The following RPF2 variants were observed in gnomAD, a reference collection of about 807,000 sequenced individuals.
RPF2 encodes ribosome production factor 2 homolog.
RPF2 carries 21 observed loss-of-function variants against 38.9 expected under a neutral mutation model. That is an observed-to-expected ratio of 0.54 (90% CI 0.38 to 0.78). The LOEUF (loss-of-function observed/expected upper bound fraction) is 0.78. Among genes scored for constraint, RPF2 ranks in the 30% least tolerant of loss-of-function variants. The probability of loss-of-function intolerance (pLI) is 0.00; values close to 1 mark genes in which losing one functional copy is unlikely to be tolerated. For synonymous variants in RPF2, 121 were observed against 126.2 expected, an observed-to-expected ratio of 0.96 and a Z score of 0.28; for missense variants, 314 against 358.1, an observed-to-expected ratio of 0.88 and a Z score of 0.99.
intron 8 of RPF2, among the ~76,000 whole-genome samples, chr6:111,021,338 T>C (rs1015456124): frequency 6.6e-6 from 1 of 152,196 alleles, no homozygotes; most frequent in African/African-American, 2.4e-5. Flanking sequence ...TTTTGATCAC[T>C]AGATGTTCCA....
At chr6:110,991,305 T>G (rs1771615552) in intron 3 of RPF2, among the ~76,000 whole-genome samples, 2 of 152,138 alleles carry the variant, frequency 1.3e-5, no homozygotes, top group South Asian at 4.1e-4. Context: ...CTTAACTTTT[T>G]TTTTAGAGAC....
chr6:111,003,962 G>A (rs1001823920), intron 6 of RPF2, among the ~76,000 whole-genome samples: 14 of 149,200 alleles, frequency 9.4e-5, no homozygotes, highest in African/African-American at 3.0e-4. Context: ...ACAGGTGTGC[G>A]CCACCACACC....
At chr6:111,012,141 C>T (rs1311074466) in intron 7 of RPF2, among the ~76,000 whole-genome samples, 1 of 135,688 alleles carries the variant, frequency 7.4e-6, no homozygotes, top group African/African-American at 2.7e-5. Flanking sequence ...CCATTTTGTT[C>T]ATTCTTAATT....
rs1312190837 is a variant in RPF2, at chr6:111,026,794, G to A, written c.*1212G>A. The A allele has an allele frequency of 1.3e-5, 2 of 152,218 alleles. No homozygotes were observed. Among genetic ancestry groups the A allele is most frequent in the Non-Finnish European group, 2.9e-5 (2 of 68,048 alleles). 9.4% of individuals were successfully genotyped at this position (152,218 alleles called of 1,614,324 possible). On this transcript the variant is annotated 3_prime_UTR_variant, in exon 10 of 10. Transcript: ENST00000441448. ...GTTCCTTGATTCAGTCCTTGACAAG[G>A]AATCTCCTTTATACAAGTGCCAGTA... is the stretch of plus-strand genomic sequence containing the variant.
At position 111,024,346 on chromosome 6, in the gene RPF2, G is replaced by A. The variant is rs761509459; in HGVS notation, c.741+19G>A. Reference sequence around the variant, plus strand: ...TCTCAAGGTATATAACTTAGAGCTTGGTACCACATTTATTTGTATTTTCTA... The same window carrying A: ...TCTCAAGGTATATAACTTAGAGCTTAGTACCACATTTATTTGTATTTTCTA... On this transcript the variant is annotated intron_variant, in intron 9 of 9. Coordinates refer to ENST00000441448, the MANE Select transcript of RPF2 (RefSeq NM_032194.3). The A allele has an allele frequency of 6.4e-7, 1 of 1,573,084 alleles. No individual in the cohort carries two copies. The highest frequency in any genetic ancestry group is 1.2e-5 in the South Asian group (1 of 84,922).
chr6:111,008,898 CT>C (rs57167034), intron 7 of RPF2, among the ~76,000 whole-genome samples: 4,932 of 120,462 alleles, frequency 0.041, 416 homozygotes, highest in African/African-American at 0.15. Context: ...TTCCTGGCTC[CT>C]TTTTTTTTTT....
At chr6:111,002,411 G>A (rs1391861552) in intron 6 of RPF2, among the ~76,000 whole-genome samples, 1 of 152,122 alleles carries the variant, frequency 6.6e-6, no homozygotes, top group Non-Finnish European at 1.5e-5. Flanking sequence ...TGGGATCACC[G>A]CTCACTGCAG....
At chr6:110,992,834 T>C (rs1771643183) in intron 4 of RPF2, among the ~76,000 whole-genome samples, 1 of 152,164 alleles carries the variant, frequency 6.6e-6, no homozygotes. Context: ...CCCAGCACTT[T>C]GGGAGGCCAA....
chr6:111,007,037 G>A lies in RPF2; in HGVS notation c.394-1001G>A, dbSNP rs538281343. 1.5e-4 allele frequency among the ~76,000 whole-genome samples: 22 copies of A among 151,656 alleles called. 2 individuals carry two copies. In the South Asian group the frequency reaches 2.3e-3, roughly 16 times the overall value. ...GCCTGGGCAGCAAGAGTGAAAGTCC[G>A]TCTCAAAAAAAAAAGGTTTTTTGTA... On this transcript the variant is annotated intron_variant, in intron 6 of 9. Coordinates refer to ENST00000441448, the MANE Select transcript of RPF2 (RefSeq NM_032194.3).
intron 8 of RPF2, among the ~76,000 whole-genome samples, chr6:111,016,720 G>GT (rs1425955849): frequency 1.6e-5 from 2 of 127,674 alleles, no homozygotes; most frequent in Non-Finnish European, 3.2e-5. Flanking sequence ...ATTCTTGGGT[G>GT]TTTCTCGCAG....
At position 111,025,419 on chromosome 6, in the gene RPF2, A is replaced by G; in HGVS notation, c.758A>G (p.Asn253Ser). The change falls in exon 10 of 10, where the codon AAT (asparagine) becomes AGT (serine). Residue 253 changes from asparagine (N) to serine (S), a missense_variant. Transcript: ENST00000441448. ...TTATCGTAGCCAAAGAAGAAGAAAAATATTTCCCATGATACTTTTGGTACA... is the reference window on the plus strand; with the variant it reads ...TTATCGTAGCCAAAGAAGAAGAAAAGTATTTCCCATGATACTTTTGGTACA... ...PKALKPKKKK[N>S]ISHDTFGTTY... 6.2e-7 allele frequency: 1 copy of G among 1,602,978 alleles called. No homozygotes were observed. The highest frequency in any genetic ancestry group is 8.5e-7 in the Non-Finnish European group (1 of 1,175,100).
At chr6:110,995,587 G>T (rs4388328) in intron 4 of RPF2, among the ~76,000 whole-genome samples, 13,795 of 152,094 alleles carry the variant, frequency 0.091, 698 homozygotes, top group Middle Eastern at 0.13. Flanking sequence ...TTAATATTAA[G>T]TTAAGAGGCT....
intron 1 of RPF2, among the ~76,000 whole-genome samples, chr6:110,982,799 T>C (rs1037867220): frequency 1.3e-5 from 2 of 152,248 alleles, no homozygotes; most frequent in Admixed American, 1.3e-4. Flanking sequence ...ACGACAGTTT[T>C]AGTCATTCAG....
intron 3 of RPF2, 133 bp downstream of exon 3, chr6:110,989,198 AT>A: frequency 1.0e-6 from 1 of 957,910 alleles, no homozygotes; most frequent in Non-Finnish European, 1.4e-6. Flanking sequence ...TAATATTTTA[AT>A]TTCTTTCTTT....
chr6:110,987,758 T>A (rs1463321059), intron 2 of RPF2, among the ~76,000 whole-genome samples: 2 of 152,202 alleles, frequency 1.3e-5, no homozygotes, highest in Non-Finnish European at 2.9e-5. Flanking sequence ...TTATTATACC[T>A]TATTTTTCAT....
At chr6:110,982,380 T>C (rs1373540131) in intron 1 of RPF2, 3 of 571,432 alleles carry the variant, frequency 5.2e-6, no homozygotes, top group African/African-American at 1.9e-5. Context: ...TCCTAGCCAG[T>C]TGAAAAACGT....
At chr6:111,001,607 C>T (rs1395089926) in intron 6 of RPF2, among the ~76,000 whole-genome samples, 1 of 152,032 alleles carries the variant, frequency 6.6e-6, no homozygotes, top group African/African-American at 2.4e-5. Context: ...CTCCTGGGCT[C>T]AGGAGATCCT....
At chr6:110,982,547 G>C (rs898077629) in intron 1 of RPF2, 2 of 196,812 alleles carry the variant, frequency 1.0e-5, no homozygotes, top group African/African-American at 4.7e-5. Context: ...GTAAAATAGC[G>C]CTCACCATAG....
intron 7 of RPF2, among the ~76,000 whole-genome samples, chr6:111,012,756 G>A (rs190989846): frequency 5.9e-5 from 9 of 152,190 alleles, no homozygotes; most frequent in Non-Finnish European, 1.2e-4. Flanking sequence ...TGCAACCTCC[G>A]CATCAGCTGT....
Sources: gnomAD v4.1 joint callset for allele counts (sites outside exome capture counted in the v4.1 genomes callset) on GRCh38, gnomAD v4.1.1 for gene constraint, MANE v1.5 for transcripts, NCBI Gene and HGNC (gene_info 2026-07-23, HGNC 2026-07-21) for gene names.